The following BANP variants were observed in gnomAD, a reference collection of about 807,000 sequenced individuals.
BANP encodes BTG3 associated nuclear protein.
In BANP, 11 loss-of-function variants were observed where a neutral mutation model predicts 68.1. The ratio of observed to expected loss-of-function variants is 0.16; its 90% CI spans 0.10 to 0.27. The LOEUF is 0.27. Among genes scored for constraint, BANP ranks in the 10% least tolerant of loss-of-function variants. BANP has a pLI of 1.00. For missense variants in BANP, 504 were observed against 722.7 expected (o/e 0.70, Z 3.47); for synonymous variants, 329 against 303.2 (o/e 1.09, Z -0.88).
At chr16:88,020,395 TG>T (rs2075783376) in intron 7 of BANP, among the ~76,000 whole-genome samples, 1 of 152,248 alleles carries the variant, frequency 6.6e-6, no homozygotes. Flanking sequence ...CCACGTGATG[TG>T]CTTCCAGCTT....
chr16:88,060,947 T>C (rs1452484682), intron 11 of BANP, among the ~76,000 whole-genome samples: 1 of 150,068 alleles, frequency 6.7e-6, no homozygotes, highest in Non-Finnish European at 1.5e-5. Flanking sequence ...TTGGTTGTGT[T>C]CTTAAACGTC....
chr16:88,070,432 TG>T (rs1213082949), intron 12 of BANP, among the ~76,000 whole-genome samples: 1 of 152,194 alleles, frequency 6.6e-6, no homozygotes, highest in Non-Finnish European at 1.5e-5. Flanking sequence ...TATTCCTTCT[TG>T]TATAGCATCT....
rs1430188934 is a variant in BANP, at chr16:88,077,271, C to T, written c.*610C>T. 2 of 152,354 alleles carry T rather than the reference C, an allele frequency of 1.3e-5. No individual in the cohort carries two copies. Among genetic ancestry groups the T allele is most frequent in the Admixed American group, 6.5e-5 (1 of 15,294 alleles). The allele number at this position is 152,354 out of a possible 1,614,324, so 9.4% of individuals were successfully genotyped here. A position where few individuals can be genotyped will look rare whatever the true frequency, so the allele number is the denominator to read the frequency against. On this transcript the variant is annotated 3_prime_UTR_variant, in exon 14 of 14. Transcript: ENST00000682872. ...CTTTTCTAGGGGAAATGCTCTTAAA[C>T]ACTGTAATTATGCATTTCTAATGAA...
intron 4 of BANP, among the ~76,000 whole-genome samples, chr16:87,994,692 C>T (rs896521800): frequency 1.2e-4 from 19 of 152,178 alleles, no homozygotes; most frequent in Middle Eastern, 3.4e-3. Flanking sequence ...CCCAGCAACT[C>T]GGGAGACTGA....
rs71156289 is a variant in BANP, at chr16:88,040,255, CTT to C, written c.1311+2259_1311+2260del. The stretch of plus-strand genomic sequence containing the variant: ...CCCTCGTTTTCCATTTGTGGAAATC[CTT>C]TTTTTTTTTTTTTTCCATCATTTGG... On this transcript the variant is annotated intron_variant, in intron 11 of 13. Transcript: ENST00000682872. Among the ~76,000 whole-genome samples, 325 of 142,422 alleles carry C rather than the reference CTT, an allele frequency of 2.3e-3. 2 individuals are homozygous for C. Among genetic ancestry groups the C allele is most frequent in the Non-Finnish European group, 3.4e-3 (221 of 65,596 alleles). The allele number at this position is 142,422 out of a possible 152,430, so 93.4% of individuals were successfully genotyped here.
At chr16:88,047,303 G>T (rs1423661450) in intron 11 of BANP, among the ~76,000 whole-genome samples, 1 of 152,158 alleles carries the variant, frequency 6.6e-6, no homozygotes, top group East Asian at 1.9e-4. Context: ...AAGAATGCTT[G>T]CCCCAGTTCC....
rs971327879 is a variant in BANP at position 87,955,052 on chromosome 16, G to A, written c.-69+3537G>A. Among the ~76,000 whole-genome samples, 3 of 152,246 alleles carry A rather than the reference G, an allele frequency of 2.0e-5. 1 individual carries two copies. The highest frequency in any genetic ancestry group is 4.1e-4 in the South Asian group (2 of 4,838). ...TACCTGGGCAAGGCCCGGCAGACCC[G>A]TGTGGTAGCAAAGACCCTGACTTTG... On this transcript the variant is annotated intron_variant, in intron 1 of 13. Coordinates refer to ENST00000682872, the MANE Select transcript of BANP (RefSeq NM_001386991.1).
chr16:87,994,034 G>A (rs1157935933), intron 4 of BANP, among the ~76,000 whole-genome samples: 1 of 152,098 alleles, frequency 6.6e-6, no homozygotes, highest in East Asian at 1.9e-4. Flanking sequence ...GTGTTTGGAG[G>A]GCCCTGGCGT....
At chr16:88,043,620 A>T (rs531960697) in intron 11 of BANP, among the ~76,000 whole-genome samples, 2 of 152,320 alleles carry the variant, frequency 1.3e-5, no homozygotes, top group South Asian at 2.1e-4. Flanking sequence ...AACTTAAGGG[A>T]TTGCAGAATT....
At chr16:88,035,173 G>C in intron 9 of BANP, 150 bp from the exon 10 acceptor site, 1 of 749,834 alleles carries the variant, frequency 1.3e-6, no homozygotes, top group Non-Finnish European at 2.2e-6. Flanking sequence ...ATTTAAAGAA[G>C]TGACCACAGA....
chr16:88,039,690 A>G (rs7186714), intron 11 of BANP, among the ~76,000 whole-genome samples: 34,781 of 141,884 alleles, frequency 0.25, 8,108 homozygotes, highest in South Asian at 0.56. Context: ...AGCTTTTCTC[A>G]GCAGGCATGG....
At chr16:87,986,804 A>G (rs1232190991) in intron 4 of BANP, among the ~76,000 whole-genome samples, 1 of 152,198 alleles carries the variant, frequency 6.6e-6, no homozygotes, top group Non-Finnish European at 1.5e-5. Context: ...AAGTTGCCTA[A>G]TACTGACTCA....
chr16:87,987,689 C>G (rs1285865965), intron 4 of BANP, among the ~76,000 whole-genome samples: 1 of 120,674 alleles, frequency 8.3e-6, no homozygotes, highest in African/African-American at 3.2e-5. Context: ...CCACTGCACT[C>G]CAGGCTGAGC....
chr16:88,004,615 A>G lies in BANP; in HGVS notation c.479+204A>G, dbSNP rs2070417339. The stretch of plus-strand genomic sequence containing the variant: ...GCTGAATGCTGAGTCCAGCCACACC[A>G]GGGGCAGCTGCCGCCGGGGACTTCT... On this transcript the variant is annotated intron_variant, in intron 5 of 13. Transcript: ENST00000682872. This position sits in a 1 kb window ranked among gnomAD's most constrained non-coding sequence, Gnocchi z 7.0. Among the ~76,000 whole-genome samples, 1 of 152,116 alleles carries G rather than the reference A, an allele frequency of 6.6e-6. No individual in the cohort carries two copies. Among genetic ancestry groups the G allele is most frequent in the African/African-American group, 2.4e-5 (1 of 41,422 alleles).
chr16:87,968,198 A>C (rs1262403429), intron 1 of BANP, among the ~76,000 whole-genome samples: 1 of 151,128 alleles, frequency 6.6e-6, no homozygotes, highest in Non-Finnish European at 1.5e-5. Context: ...TAGGAAATTT[A>C]GTTGGCTGGG....
At chr16:88,021,590 A>G (rs1329266232) in intron 7 of BANP, among the ~76,000 whole-genome samples, 1 of 152,238 alleles carries the variant, frequency 6.6e-6, no homozygotes, top group Non-Finnish European at 1.5e-5. Flanking sequence ...GCTGAAACGT[A>G]AAAAGCATGG....
intron 8 of BANP, among the ~76,000 whole-genome samples, chr16:88,028,381 T>C (rs2077423125): frequency 6.6e-6 from 1 of 152,190 alleles, no homozygotes; most frequent in African/African-American, 2.4e-5. Context: ...CTGGAAGTCC[T>C]GGGAGTTGCA....
intron 11 of BANP, among the ~76,000 whole-genome samples, chr16:88,050,125 C>G (rs2082912773): frequency 6.6e-6 from 1 of 152,152 alleles, no homozygotes; most frequent in Non-Finnish European, 1.5e-5. Flanking sequence ...GGGATAGATC[C>G]AGCTAAACAT....
chr16:88,048,353 G>A (rs1012064266), intron 11 of BANP, among the ~76,000 whole-genome samples: 8 of 152,164 alleles, frequency 5.3e-5, no homozygotes, highest in African/African-American at 1.2e-4. Context: ...GCGCAGACAC[G>A]ATATGGGAGG....
Sources: allele counts gnomAD v4.1 joint callset (sites outside exome capture counted in the v4.1 genomes callset), GRCh38; gene constraint gnomAD v4.1.1; non-coding constraint Gnocchi (gnomAD v3.1); transcripts MANE v1.5; gene names NCBI Gene and HGNC (gene_info 2026-07-23, HGNC 2026-07-21).